SFI1: variants seen among roughly 807,000 people sequenced by gnomAD.
The protein encoded by SFI1 is SFI1 centrin binding protein, also known as protein SFI1 homolog.
In SFI1, 195 loss-of-function variants were observed where a neutral mutation model predicts 207.5. The observed-to-expected ratio is 0.94, with a 90% CI of 0.84 to 1.06. The LOEUF is 1.06. Ranked by LOEUF, SFI1 falls within the 50% of genes least tolerant of loss-of-function variation. The probability of loss-of-function intolerance (pLI) is 0.00; values close to 1 mark genes in which losing one functional copy is unlikely to be tolerated. For synonymous variants in SFI1, 630 were observed against 598.9 expected (o/e 1.05, Z -0.76); for missense variants, 1,634 against 1,588.0 (o/e 1.03, Z -0.49).
At chr22:31,537,232 T>TG (rs1306572206) in intron 4 of SFI1, among the ~76,000 whole-genome samples, 3 of 152,050 alleles carry the variant, frequency 2.0e-5, no homozygotes, top group African/African-American at 7.2e-5. Flanking sequence ...CACAGGAAGG[T>TG]GGGGGTAAGG....
chr22:31,598,011 T>G (rs2067402596), intron 15 of SFI1, among the ~76,000 whole-genome samples: 1 of 151,628 alleles, frequency 6.6e-6, no homozygotes, highest in African/African-American at 2.4e-5. Flanking sequence ...GGAGTCTCGC[T>G]CTGTTGCCCA....
chr22:31,552,803 A>G (rs984312514), intron 6 of SFI1, among the ~76,000 whole-genome samples: 2 of 151,940 alleles, frequency 1.3e-5, no homozygotes, highest in Non-Finnish European at 2.9e-5. Flanking sequence ...CAGTGTGTTA[A>G]GTGTTCCCTT....
At chr22:31,613,035 C>G (rs1603359088) in intron 24 of SFI1, 107 bp from the exon 25 acceptor site, 1 of 1,201,928 alleles carries the variant, frequency 8.3e-7, no homozygotes. Context: ...GAAGTGGGAG[C>G]CTCGACTAGA....
chr22:31,587,492 T>TG lies in SFI1; in HGVS notation c.1414-1955_1414-1954insG, dbSNP rs1406168510. ...TAATGTTTGTGTTTTGTTTTTTTTT[T>TG]TGTAGAGGTGGGGTGCCACCATGTT... On this transcript the variant is annotated intron_variant, in intron 14 of 32. Coordinates refer to ENST00000400288, the MANE Select transcript of SFI1 (RefSeq NM_001007467.3). The TG allele has an allele frequency of 3.8e-5, 7 of 186,190 alleles. No homozygotes were observed. The East Asian group carries it at 8.0e-4, about 21-fold the overall frequency. 11.5% of individuals were successfully genotyped at this position (186,190 alleles called of 1,614,324 possible).
At chr22:31,524,698 ATTTT>A (rs59764922) in intron 2 of SFI1, among the ~76,000 whole-genome samples, 1 of 137,446 alleles carries the variant, frequency 7.3e-6, no homozygotes, top group African/African-American at 2.7e-5. Flanking sequence ...TTTTAATTGG[ATTTT>A]TTTTTTTTTT....
At chr22:31,514,687 A>G (rs926964213) in intron 2 of SFI1, among the ~76,000 whole-genome samples, 2 of 150,898 alleles carry the variant, frequency 1.3e-5, no homozygotes, top group Non-Finnish European at 2.9e-5. Flanking sequence ...AACAGGTCAT[A>G]TTTGTCTTTG....
chr22:31,606,549 G>C, intron 21 of SFI1, 119 bp downstream of exon 21: 1 of 721,242 alleles, frequency 1.4e-6, no homozygotes, highest in Non-Finnish European at 2.3e-6. Context: ...TAGAAAATGG[G>C]TAACTTTCCT....
intron 1 of SFI1, among the ~76,000 whole-genome samples, chr22:31,499,966 C>T (rs1363191370): frequency 2.3e-5 from 3 of 132,358 alleles, no homozygotes; most frequent in Non-Finnish European, 4.6e-5. Context: ...GCCTGGGCGA[C>T]AGAGTGAGAC....
At chr22:31,600,758 C>G (rs2067967280) in intron 15 of SFI1, among the ~76,000 whole-genome samples, 1 of 152,196 alleles carries the variant, frequency 6.6e-6, no homozygotes, top group African/African-American at 2.4e-5. Context: ...AGGGGCTCAC[C>G]TCGCCCGTGT....
chr22:31,515,682 C>G (rs2056389220), intron 2 of SFI1, among the ~76,000 whole-genome samples: 1 of 151,568 alleles, frequency 6.6e-6, no homozygotes, highest in African/African-American at 2.4e-5. Flanking sequence ...ATGTGCCAGC[C>G]TCATTGTGAT....
intron 2 of SFI1, among the ~76,000 whole-genome samples, chr22:31,514,595 C>T (rs1450387784): frequency 6.6e-6 from 1 of 151,928 alleles, no homozygotes; most frequent in Admixed American, 6.6e-5. Flanking sequence ...TCCCAATTCT[C>T]CCTACTCCTA....
intron 2 of SFI1, among the ~76,000 whole-genome samples, chr22:31,527,612 T>TTG (rs759445425): frequency 1.3e-5 from 2 of 151,850 alleles, no homozygotes; most frequent in Non-Finnish European, 2.9e-5. Context: ...ATATTAAACT[T>TTG]TGTGTGTGTG....
At chr22:31,541,818 T>C (rs1489891984) in intron 4 of SFI1, among the ~76,000 whole-genome samples, 1 of 148,106 alleles carries the variant, frequency 6.8e-6, no homozygotes. Flanking sequence ...AATGTACAGT[T>C]TAGGCTGGGC....
At chr22:31,587,430 G>A in intron 14 of SFI1, 1 of 210,678 alleles carries the variant, frequency 4.7e-6, no homozygotes, top group Non-Finnish European at 1.1e-5. Flanking sequence ...AGCCTCCCAA[G>A]TAGCTGGGAC....
intron 2 of SFI1, among the ~76,000 whole-genome samples, chr22:31,526,266 T>C (rs966762803): frequency 3.9e-5 from 6 of 152,162 alleles, no homozygotes; most frequent in Admixed American, 3.3e-4. Flanking sequence ...AATTGACTCA[T>C]AGTTCTGCAT....
Position 31,546,900 on chromosome 22 carries a change from A to G in SFI1, c.378A>G (p.Glu126=). 6.2e-7 allele frequency: 1 copy of G among 1,612,626 alleles called. No individual in the cohort carries two copies. The highest frequency in any genetic ancestry group is 8.5e-7 in the Non-Finnish European group (1 of 1,179,414). ...AGCGATTACTACGGAAGGTCTTCGA[A>G]GAATGGAAAGAGGAGTGGTGGGTTT... ...YEQRLLRKVF[E]EWKEEWWVFQ... Residue 126 remains glutamate (E), a synonymous_variant, in exon 5 of 33, where the codon GAA becomes GAG. Transcript: ENST00000400288.
rs1250857567 is a variant in SFI1 at position 31,604,937 on chromosome 22, G to C, written c.2046G>C (p.Gln682His). The C allele has an allele frequency of 6.2e-7, 1 of 1,608,436 alleles. No individual in the cohort carries two copies. The highest frequency in any genetic ancestry group is 8.5e-7 in the Non-Finnish European group (1 of 1,177,380). The change falls in exon 20 of 33, where the codon CAG becomes CAC. Residue 682 changes from glutamine to histidine, a missense_variant. Coordinates refer to ENST00000400288, the MANE Select transcript of SFI1 (RefSeq NM_001007467.3). Reference protein sequence around the residue: ...VAARESQHNRQLLRGALRRWK... With the variant: ...VAARESQHNRHLLRGALRRWK... ...CCAGGGAGAGCCAGCACAACAGGCA[G>C]CTGCTGCGGTGAGTCTCCCGGGCGC...
At chr22:31,603,672 T>G in intron 17 of SFI1, 72 bp from the exon 18 acceptor site, 1 of 1,302,460 alleles carries the variant, frequency 7.7e-7, no homozygotes, top group Non-Finnish European at 1.0e-6. Context: ...CTATGGACTA[T>G]GAGGAGGAAC....
Position 31,575,367 on chromosome 22 carries a change from G to A in SFI1, c.1059G>A (p.Arg353=), listed in dbSNP as rs2063372671. Residue 353 remains arginine, a synonymous_variant, in exon 10 of 33, where the codon CGG becomes CGA. Coordinates refer to ENST00000400288, the MANE Select transcript of SFI1 (RefSeq NM_001007467.3). The stretch of plus-strand genomic sequence containing the variant: ...AACTGGCCAGGAAGATGGCCCTGCG[G>A]CGCGCCTTTACTCACTGGAAACACT... ...VEKLARKMAL[R]RAFTHWKHYM... 1.9e-6 allele frequency: 3 copies of A among 1,611,082 alleles called. No individual in the cohort carries two copies. Among genetic ancestry groups the A allele is most frequent in the African/African-American group, 2.7e-5 (2 of 74,826 alleles).
Sources: gnomAD v4.1 joint callset for allele counts (sites outside exome capture counted in the v4.1 genomes callset) on GRCh38, gnomAD v4.1.1 for gene constraint, MANE v1.5 for transcripts, NCBI Gene and HGNC (gene_info 2026-07-23, HGNC 2026-07-21) for gene names.